PLXDC2: variants seen among roughly 807,000 people sequenced by gnomAD.
The protein encoded by PLXDC2 is plexin domain-containing protein 2.
A neutral mutation model predicts 68.9 loss-of-function variants in PLXDC2; 40 were observed. That is an observed-to-expected ratio of 0.58 (90% CI 0.45 to 0.76). PLXDC2 has a LOEUF of 0.76. Among genes scored for constraint, PLXDC2 ranks in the 30% least tolerant of loss-of-function variants. The pLI, the probability that PLXDC2 is intolerant of heterozygous loss-of-function variation, is 0.00. For synonymous variants in PLXDC2, 243 were observed against 234.2 expected, an observed-to-expected ratio of 1.04 and a Z score of -0.34; for missense variants, 644 against 661.9, an observed-to-expected ratio of 0.97 and a Z score of 0.30.
chr10:20,220,396 G>T (rs894546351), intron 12 of PLXDC2, among the ~76,000 whole-genome samples: 6 of 152,106 alleles, frequency 3.9e-5, no homozygotes, highest in Non-Finnish European at 7.4e-5. Flanking sequence ...GTCCCCAAGA[G>T]ACTTCTCTTT....
chr10:20,132,803 C>G (rs933234085), intron 4 of PLXDC2, among the ~76,000 whole-genome samples: 2 of 151,216 alleles, frequency 1.3e-5, no homozygotes, highest in African/African-American at 4.8e-5. Context: ...CACTATATGT[C>G]TTTTGATTGA....
At chr10:20,153,558 C>T (rs1834177800) in intron 6 of PLXDC2, among the ~76,000 whole-genome samples, 1 of 152,058 alleles carries the variant, frequency 6.6e-6, no homozygotes, top group Non-Finnish European at 1.5e-5. Flanking sequence ...GTGCCATAAC[C>T]AGAAGTGAAA....
intron 1 of PLXDC2, among the ~76,000 whole-genome samples, chr10:19,985,435 G>T (rs1334200473): frequency 6.6e-6 from 1 of 152,142 alleles, no homozygotes; most frequent in Non-Finnish European, 1.5e-5. Flanking sequence ...TTTTAGTAGT[G>T]TTCAGTTGTT....
intron 3 of PLXDC2, among the ~76,000 whole-genome samples, chr10:20,060,317 C>T (rs897534048): frequency 1.3e-5 from 2 of 151,964 alleles, no homozygotes; most frequent in Admixed American, 6.6e-5. Flanking sequence ...CCACCACACC[C>T]GGCCTATATT....
chr10:19,895,535 G>C (rs943174843), intron 1 of PLXDC2, among the ~76,000 whole-genome samples: 1 of 152,046 alleles, frequency 6.6e-6, no homozygotes, highest in African/African-American at 2.4e-5. Flanking sequence ...AAAATTACTT[G>C]TGTGGTATTC....
rs1833796020 is a variant in PLXDC2 at position 19,940,251 on chromosome 10, G to C, written c.113-61524G>C. 1.3e-5 allele frequency among the ~76,000 whole-genome samples: 2 copies of C among 149,482 alleles called. 1 individual carries two copies. Among genetic ancestry groups the C allele is most frequent in the Admixed American group, 1.3e-4 (2 of 15,152 alleles). ...AACCTTGAACATAGTCATGTGATTT[G>C]TACGAAGATGCCTAGAACATGGAAA... On this transcript the variant is annotated intron_variant, in intron 1 of 13. Coordinates refer to ENST00000377252, the MANE Select transcript of PLXDC2 (RefSeq NM_032812.9).
intron 7 of PLXDC2, among the ~76,000 whole-genome samples, chr10:20,170,792 A>T (rs1209965879): frequency 1.3e-5 from 2 of 152,058 alleles, no homozygotes; most frequent in African/African-American, 4.8e-5. Context: ...AAATAGCCAG[A>T]TGTGCCTAGT....
At chr10:20,051,454 G>A (rs1835899913) in intron 3 of PLXDC2, among the ~76,000 whole-genome samples, 4 of 131,112 alleles carry the variant, frequency 3.1e-5, no homozygotes, top group Admixed American at 8.4e-5. Context: ...GTGCTATTAT[G>A]GTTATATTGT....
intron 3 of PLXDC2, among the ~76,000 whole-genome samples, chr10:20,048,338 AG>A (rs1835834023): frequency 1.3e-5 from 2 of 152,212 alleles, no homozygotes; most frequent in South Asian, 4.1e-4. Flanking sequence ...AAGCAAATGA[AG>A]TAGCTGCCTT....
intron 1 of PLXDC2, among the ~76,000 whole-genome samples, chr10:19,937,845 C>T (rs919266673): frequency 6.6e-6 from 1 of 152,034 alleles, no homozygotes; most frequent in Non-Finnish European, 1.5e-5. Context: ...AAGGAGGCAA[C>T]GTCCAGTCCT....
intron 11 of PLXDC2, among the ~76,000 whole-genome samples, chr10:20,218,753 T>C (rs917924485): frequency 6.6e-6 from 1 of 152,128 alleles, no homozygotes; most frequent in Non-Finnish European, 1.5e-5. Context: ...CTAATTACAA[T>C]AAGTGATTTT....
intron 6 of PLXDC2, among the ~76,000 whole-genome samples, chr10:20,158,613 T>G (rs547450199): frequency 4.0e-4 from 61 of 151,564 alleles, no homozygotes; most frequent in Non-Finnish European, 8.0e-4. Flanking sequence ...CAGTGAACTG[T>G]GATTGCACCA....
intron 13 of PLXDC2, among the ~76,000 whole-genome samples, chr10:20,261,561 T>G (rs1275584780): frequency 6.6e-6 from 1 of 152,128 alleles, no homozygotes; most frequent in East Asian, 1.9e-4. Flanking sequence ...TACTATAATT[T>G]AAAAGATAAT....
chr10:20,171,997 T>C (rs1011849811), intron 7 of PLXDC2, among the ~76,000 whole-genome samples: 10 of 151,964 alleles, frequency 6.6e-5, no homozygotes, highest in African/African-American at 2.4e-4. Flanking sequence ...TTGGGTACAA[T>C]GTACACTATT....
In PLXDC2 at chr10:20,016,767, G is replaced by T. The variant is rs150127412; in HGVS notation, c.324+14781G>T. ...ATTTTCTTCTTCCTTCTTCTCCTGT[G>T]TCTTGGATGAGTTACAGACTTGAGG... On this transcript the variant is annotated intron_variant, in intron 2 of 13. Coordinates refer to ENST00000377252, the MANE Select transcript of PLXDC2 (RefSeq NM_032812.9). 1.7e-3 allele frequency among the ~76,000 whole-genome samples: 260 copies of T among 152,270 alleles called. 1 individual carries two copies. Among genetic ancestry groups the T allele is most frequent in the African/African-American group, 6.1e-3 (253 of 41,554 alleles).
chr10:20,111,548 A>G (rs959546591), intron 4 of PLXDC2, among the ~76,000 whole-genome samples: 3 of 152,248 alleles, frequency 2.0e-5, no homozygotes, highest in Non-Finnish European at 4.4e-5. Flanking sequence ...AGTTCAAAAG[A>G]TAAAACAAAA....
chr10:20,074,456 G>A (rs537132739), intron 4 of PLXDC2, among the ~76,000 whole-genome samples: 33 of 151,948 alleles, frequency 2.2e-4, no homozygotes, highest in African/African-American at 7.5e-4. Flanking sequence ...TTTGAGGTAT[G>A]GTATATTAAA....
At chr10:20,083,169 T>C (rs1836604395) in intron 4 of PLXDC2, among the ~76,000 whole-genome samples, 1 of 152,124 alleles carries the variant, frequency 6.6e-6, no homozygotes, top group African/African-American at 2.4e-5. Context: ...CAATCATCTG[T>C]GCTTTTCAAA....
At chr10:20,237,311 A>G (rs1382315315) in intron 12 of PLXDC2, among the ~76,000 whole-genome samples, 2 of 152,218 alleles carry the variant, frequency 1.3e-5, no homozygotes, top group Non-Finnish European at 1.5e-5. Context: ...ATCCACTCCA[A>G]TACTGGAATA....
Sources: allele counts gnomAD v4.1 joint callset (sites outside exome capture counted in the v4.1 genomes callset), GRCh38; gene constraint gnomAD v4.1.1; transcripts MANE v1.5; gene names NCBI Gene and HGNC (gene_info 2026-07-23, HGNC 2026-07-21).